COL11A1: variants seen among roughly 807,000 people sequenced by gnomAD.
COL11A1 encodes collagen alpha-1(XI) chain.
Under a neutral mutation model 265.2 loss-of-function variants are expected in COL11A1, and 74 were observed. The ratio of observed to expected loss-of-function variants is 0.28; its 90% CI spans 0.23 to 0.34. The LOEUF is 0.34. Ranked by LOEUF, COL11A1 falls within the 10% of genes least tolerant of loss-of-function variation. The pLI, the probability that COL11A1 is intolerant of heterozygous loss-of-function variation, is 1.00. For missense variants in COL11A1, 2,165 were observed against 2,263.6 expected (o/e 0.96, Z 0.88); for synonymous variants, 816 against 727.6 (o/e 1.12, Z -1.96).
chr1:103,081,133 T>A (rs1247139359), intron 2 of COL11A1, among the ~76,000 whole-genome samples: 4 of 151,906 alleles, frequency 2.6e-5, no homozygotes, highest in African/African-American at 9.7e-5. Context: ...TCAGATAATG[T>A]TGATTATATG....
chr1:103,074,492 C>A, intron 4 of COL11A1, 126 bp downstream of exon 4: 2 of 1,004,356 alleles, frequency 2.0e-6, no homozygotes, highest in Non-Finnish European at 1.5e-6. Flanking sequence ...GAGGAAGAAA[C>A]TAGGTCACCC....
intron 4 of COL11A1, among the ~76,000 whole-genome samples, chr1:103,060,119 A>T (rs772912517): frequency 6.6e-6 from 1 of 152,134 alleles, no homozygotes; most frequent in Non-Finnish European, 1.5e-5. Context: ...GAGGGGAAAA[A>T]AACCAACTTA....
At chr1:102,933,432 G>A (rs1332480973) in intron 46 of COL11A1, among the ~76,000 whole-genome samples, 2 of 150,880 alleles carry the variant, frequency 1.3e-5, no homozygotes, top group Non-Finnish European at 1.5e-5. Flanking sequence ...ACCCACTTGA[G>A]GAGGCAGTCT....
chr1:103,104,418 C>A (rs1450763681), intron 1 of COL11A1, among the ~76,000 whole-genome samples: 1 of 151,978 alleles, frequency 6.6e-6, no homozygotes, highest in African/African-American at 2.4e-5. Context: ...ATTTTAGTCA[C>A]AAATTGAAGA....
At chr1:102,934,674 A>C (rs1156688862) in intron 45 of COL11A1, 118 bp from the exon 46 acceptor site, 3 of 812,156 alleles carry the variant, frequency 3.7e-6, no homozygotes, top group East Asian at 2.6e-5. Context: ...ATAACCAAGT[A>C]AAAAGTAGAC....
intron 4 of COL11A1, among the ~76,000 whole-genome samples, chr1:103,062,546 C>T (rs1670754865): frequency 6.6e-6 from 1 of 151,812 alleles, no homozygotes; most frequent in Admixed American, 6.6e-5. Flanking sequence ...TTAGTATCAC[C>T]ATCAACAAGC....
intron 4 of COL11A1, among the ~76,000 whole-genome samples, chr1:103,069,293 C>G (rs1230620230): frequency 6.6e-6 from 1 of 151,640 alleles, no homozygotes. Context: ...AAGACCAAGG[C>G]AATATAAATC....
rs904611029 is a variant in COL11A1, at chr1:103,107,560, C to A, written c.106+513G>T. On this transcript the variant is annotated intron_variant, in intron 1 of 66. Transcript: ENST00000370096. ...TCACCCCCCTGGTTTCTCTTATATC[C>A]CCAAAACTAAAACAGCCTGCTTCTC... 4.1e-5 allele frequency among the ~76,000 whole-genome samples: 6 copies of A among 144,910 alleles called. No homozygotes were observed. The South Asian group carries it at 1.4e-3, about 33-fold the overall frequency.
chr1:103,077,430 C>A (rs1030912161), intron 3 of COL11A1, among the ~76,000 whole-genome samples: 5 of 151,706 alleles, frequency 3.3e-5, no homozygotes, highest in African/African-American at 1.2e-4. Flanking sequence ...AGATTAAAAC[C>A]TTAGCATGGA....
intron 28 of COL11A1, among the ~76,000 whole-genome samples, chr1:102,993,442 T>C (rs1425534109): frequency 6.6e-6 from 1 of 152,156 alleles, no homozygotes; most frequent in Non-Finnish European, 1.5e-5. Flanking sequence ...CCTTCTCCTT[T>C]ATACTTTAAA....
chr1:102,933,160 G>C (rs928733853), intron 46 of COL11A1, among the ~76,000 whole-genome samples: 1 of 149,768 alleles, frequency 6.7e-6, no homozygotes, highest in African/African-American at 2.5e-5. Flanking sequence ...TGGAGGAGGA[G>C]AGGTGCTCTG....
At chr1:103,002,895 C>T in intron 21 of COL11A1, 104 bp from the exon 22 acceptor site, 2 of 1,085,222 alleles carry the variant, frequency 1.8e-6, no homozygotes, top group Non-Finnish European at 2.8e-6. Context: ...CCCTAAGCAA[C>T]TAAAAATCAT....
At chr1:102,994,758 C>A (rs1031275242) in intron 28 of COL11A1, among the ~76,000 whole-genome samples, 3 of 152,056 alleles carry the variant, frequency 2.0e-5, no homozygotes, top group Admixed American at 6.6e-5. Context: ...TAATTCAATA[C>A]TGATTCTGAG....
intron 4 of COL11A1, among the ~76,000 whole-genome samples, chr1:103,067,110 C>T (rs13375833): frequency 0.035 from 5,242 of 151,818 alleles, 324 homozygotes; most frequent in African/African-American, 0.12. Context: ...ACTGATAGAA[C>T]AAGTAGACAA....
chr1:103,054,501 T>C (rs1479805235), intron 4 of COL11A1, among the ~76,000 whole-genome samples: 2 of 152,234 alleles, frequency 1.3e-5, no homozygotes, highest in South Asian at 2.1e-4. Context: ...CAAAGCCAAA[T>C]GTGGCTCCTA....
chr1:103,081,106 T>C (rs1011915876), intron 2 of COL11A1, among the ~76,000 whole-genome samples: 1 of 151,914 alleles, frequency 6.6e-6, no homozygotes, highest in Non-Finnish European at 1.5e-5. Context: ...TATGAGACTG[T>C]ATCATAAAGA....
At chr1:102,906,775 G>A (rs1177760059) in intron 54 of COL11A1, among the ~76,000 whole-genome samples, 1 of 151,690 alleles carries the variant, frequency 6.6e-6, no homozygotes, top group Non-Finnish European at 1.5e-5. Context: ...TTGAGGTAGA[G>A]TTATTGACTA....
rs574489792 is a variant in COL11A1, at chr1:103,058,786, A to G, written c.651+15832T>C. On this transcript the variant is annotated intron_variant, in intron 4 of 66. Coordinates refer to ENST00000370096, the MANE Select transcript of COL11A1 (RefSeq NM_001854.4). ...TTAAGTTTACCATCTTATTGTGTAC[A>G]TTATTATTATATATAAGATGGTATA... Among the ~76,000 whole-genome samples the G allele has an allele frequency of 3.7e-4, 57 of 152,138 alleles. 1 individual carries two copies. The highest frequency in any genetic ancestry group is 3.7e-3 in the Admixed American group (57 of 15,254).
rs570338039 is a variant in COL11A1, at chr1:102,925,299, A to G, written c.3601-1910T>C. On this transcript the variant is annotated intron_variant, in intron 46 of 66. Transcript: ENST00000370096. ...TGATAGCCTTTGATATTTTCATTCT[A>G]TTTTACCTTATCATGTTCTATTTCA... Among the ~76,000 whole-genome samples the G allele has an allele frequency of 3.3e-5, 5 of 152,116 alleles. 1 individual carries two copies. Among genetic ancestry groups the G allele is most frequent in the African/African-American group, 1.2e-4 (5 of 41,526 alleles).
Sources: gnomAD v4.1 joint callset for allele counts (sites outside exome capture counted in the v4.1 genomes callset) on GRCh38, gnomAD v4.1.1 for gene constraint, MANE v1.5 for transcripts, NCBI Gene and HGNC (gene_info 2026-07-23, HGNC 2026-07-21) for gene names.